Variants in COL25A1 observed in about 807,000 individuals in gnomAD.
COL25A1 encodes collagen type XXV alpha 1 chain.
Under a neutral mutation model 128.4 loss-of-function variants are expected in COL25A1, and 103 were observed. The observed-to-expected ratio is 0.80, with a 90% CI of 0.68 to 0.94. COL25A1 has a LOEUF of 0.94. Ranked by LOEUF, COL25A1 falls within the 40% of genes least tolerant of loss-of-function variation. COL25A1 has a pLI of 0.00. For missense variants in COL25A1, 745 were observed against 840.0 expected, an observed-to-expected ratio of 0.89 and a Z score of 1.40; for synonymous variants, 279 against 277.2, an observed-to-expected ratio of 1.01 and a Z score of -0.06.
At chr4:109,010,070 T>A (rs1419644534) in intron 6 of COL25A1, among the ~76,000 whole-genome samples, 1 of 152,234 alleles carries the variant, frequency 6.6e-6, no homozygotes, top group Non-Finnish European at 1.5e-5. Flanking sequence ...GACTTTTATG[T>A]CATGCTGTCT....
At chr4:109,208,472 A>G (rs1777192607) in intron 3 of COL25A1, among the ~76,000 whole-genome samples, 2 of 139,170 alleles carry the variant, frequency 1.4e-5, no homozygotes, top group African/African-American at 5.2e-5. Flanking sequence ...AAGAAAGAAG[A>G]TATCAGTTAA....
At chr4:108,911,770 G>T (rs1744248189) in intron 13 of COL25A1, among the ~76,000 whole-genome samples, 2 of 149,242 alleles carry the variant, frequency 1.3e-5, no homozygotes, top group South Asian at 4.2e-4. Flanking sequence ...ATTTCATGAT[G>T]CCATAATTCA....
intron 6 of COL25A1, among the ~76,000 whole-genome samples, chr4:108,994,781 C>G (rs1409648119): frequency 6.6e-6 from 1 of 152,166 alleles, no homozygotes; most frequent in Non-Finnish European, 1.5e-5. Flanking sequence ...GATCAGGCAG[C>G]AATATTTGCT....
intron 5 of COL25A1, among the ~76,000 whole-genome samples, chr4:109,047,679 T>C (rs1019830952): frequency 3.3e-5 from 5 of 151,030 alleles, no homozygotes; most frequent in African/African-American, 1.2e-4. Context: ...CATCACATGA[T>C]CACAAAATTG....
At chr4:109,230,375 T>C (rs1440296869) in intron 3 of COL25A1, among the ~76,000 whole-genome samples, 1 of 152,244 alleles carries the variant, frequency 6.6e-6, no homozygotes, top group Non-Finnish European at 1.5e-5. Flanking sequence ...TTTTCAGTGA[T>C]GTAATGCTGC....
At chr4:109,066,224 G>C (rs1380665918) in intron 3 of COL25A1, among the ~76,000 whole-genome samples, 1 of 152,116 alleles carries the variant, frequency 6.6e-6, no homozygotes, top group African/African-American at 2.4e-5. Flanking sequence ...TACCACACTG[G>C]TTGTTGGTCA....
intron 6 of COL25A1, among the ~76,000 whole-genome samples, chr4:108,995,975 A>G (rs941223498): frequency 1.3e-5 from 2 of 152,184 alleles, no homozygotes; most frequent in Non-Finnish European, 2.9e-5. Context: ...GAAGCACTAA[A>G]TATGGAAAGG....
At chr4:109,014,710 TTACTC>T (rs1231700688) in intron 5 of COL25A1, among the ~76,000 whole-genome samples, 1 of 152,196 alleles carries the variant, frequency 6.6e-6, no homozygotes, top group Non-Finnish European at 1.5e-5. Flanking sequence ...AGAACTCAGA[TTACTC>T]TAACATGTAA....
At chr4:108,879,918 CT>C (rs1739918249) in intron 19 of COL25A1, among the ~76,000 whole-genome samples, 1 of 152,076 alleles carries the variant, frequency 6.6e-6, no homozygotes, top group Non-Finnish European at 1.5e-5. Flanking sequence ...AAGCAATTCT[CT>C]TGTCTCAGCC....
Position 108,824,209 on chromosome 4 carries a change from C to T in COL25A1, c.1810G>A (p.Gly604Ser). The T allele has an allele frequency of 6.2e-7, 1 of 1,613,442 alleles. No individual in the cohort carries two copies. Among genetic ancestry groups the T allele is most frequent in the Admixed American group, 1.7e-5 (1 of 59,870 alleles). Reference sequence around the variant, plus strand: ...TTTTCTCCTAGATCACCCTTCTCACCCCGTGGACCAGGGAAGCCCTGTAAG... The same window carrying T: ...TTTTCTCCTAGATCACCCTTCTCACTCCGTGGACCAGGGAAGCCCTGTAAG... ...PGLDGFPGPR[G>S]EKGDLGEKGE... Residue 604 changes from glycine (G) to serine (S), a missense_variant, in exon 35 of 38, where the codon GGT (glycine) becomes AGT (serine). Transcript: ENST00000399132.
chr4:109,285,835 G>C (rs148929882), intron 3 of COL25A1, among the ~76,000 whole-genome samples: 225 of 152,154 alleles, frequency 1.5e-3, no homozygotes, highest in African/African-American at 5.1e-3. Flanking sequence ...CTACAAATCA[G>C]AGTTGGGTTG....
chr4:108,946,447 C>T (rs571108812), intron 8 of COL25A1, among the ~76,000 whole-genome samples: 11 of 152,292 alleles, frequency 7.2e-5, no homozygotes, highest in South Asian at 2.1e-4. Flanking sequence ...TTTGTCATTA[C>T]GCAATTTATG....
At chr4:108,819,937 T>TTAAACCCTTTTCCCCCTG in intron 35 of COL25A1, 5 of 993,346 alleles carry the variant, frequency 5.0e-6, no homozygotes, top group Non-Finnish European at 6.5e-6. Context: ...CAAATTTTAT[T>TTAAACCCTTTTCCCCCTG]TGGGGGAAAA....
intron 18 of COL25A1, among the ~76,000 whole-genome samples, chr4:108,886,479 TGTGTGTGTGTG>T (rs1740811822): frequency 2.3e-5 from 3 of 131,300 alleles, no homozygotes; most frequent in African/African-American, 5.5e-5. Context: ...TGTGTGTGTG[TGTGTGTGTGTG>T]TGTTTAGCTC....
intron 3 of COL25A1, among the ~76,000 whole-genome samples, chr4:109,254,503 A>ATGTG (rs1314174661): frequency 8.8e-6 from 1 of 113,900 alleles, no homozygotes; most frequent in Non-Finnish European, 1.8e-5. Context: ...ATATATATAT[A>ATGTG]TATGTATGTG....
At chr4:109,109,532 G>A (rs573071685) in intron 3 of COL25A1, among the ~76,000 whole-genome samples, 34 of 152,170 alleles carry the variant, frequency 2.2e-4, no homozygotes, top group African/African-American at 7.0e-4. Context: ...CACTGCGCCC[G>A]GCCTAAACTC....
intron 6 of COL25A1, among the ~76,000 whole-genome samples, chr4:109,002,364 G>A (rs1257759732): frequency 2.6e-5 from 4 of 152,104 alleles, no homozygotes; most frequent in Non-Finnish European, 5.9e-5. Flanking sequence ...CATACACAAT[G>A]GAATATTATT....
chr4:109,092,880 G>A (rs941977996), intron 3 of COL25A1, among the ~76,000 whole-genome samples: 4 of 152,102 alleles, frequency 2.6e-5, no homozygotes, highest in Non-Finnish European at 4.4e-5. Flanking sequence ...CAATCTGTGT[G>A]AACCTCAGTC....
chr4:109,294,974 A>C (rs1724834636), intron 3 of COL25A1, among the ~76,000 whole-genome samples: 2 of 152,068 alleles, frequency 1.3e-5, no homozygotes, highest in African/African-American at 4.8e-5. Context: ...TATTTTCATT[A>C]ACATCATGTA....
Sources: allele counts gnomAD v4.1 joint callset (sites outside exome capture counted in the v4.1 genomes callset), GRCh38; gene constraint gnomAD v4.1.1; transcripts MANE v1.5; gene names NCBI Gene and HGNC (gene_info 2026-07-23, HGNC 2026-07-21).